TBC1D20: variants seen among roughly 807,000 people sequenced by gnomAD.
TBC1D20 encodes the protein chromosome 20 open reading frame 140.
A neutral mutation model predicts 41.6 loss-of-function variants in TBC1D20; 12 were observed. That is an observed-to-expected ratio of 0.29 (90% CI 0.18 to 0.47). TBC1D20 has a LOEUF of 0.47. Ranked by LOEUF, TBC1D20 falls within the 20% of genes least tolerant of loss-of-function variation. TBC1D20 has a pLI of 1.00. For missense variants in TBC1D20, 421 were observed against 517.4 expected, an observed-to-expected ratio of 0.81 and a Z score of 1.81; for synonymous variants, 205 against 204.8, an observed-to-expected ratio of 1.00 and a Z score of -0.01.
intron 1 of TBC1D20, 31 bp downstream of exon 1, chr20:462,305 C>A (rs2017647511): frequency 2.4e-6 from 3 of 1,269,304 alleles, no homozygotes; most frequent in African/African-American, 1.6e-5. Flanking sequence ...CCCTCGCAGG[C>A]CGCTCCCGGC....
Position 445,170 on chromosome 20 carries a change from G to A in TBC1D20, c.257-40C>T, listed in dbSNP as rs773438519. ...GGCACGTTATTGCAGGAATGCCTGA[G>A]AAGCCAGACCAGAAGCAAAACATTC... On this transcript the variant is annotated intron_variant, in intron 2 of 7. Coordinates refer to ENST00000354200, the MANE Select transcript of TBC1D20 (RefSeq NM_144628.4). 399 of 1,510,630 alleles carry A rather than the reference G, an allele frequency of 2.6e-4. 2 individuals are homozygous for A. Among genetic ancestry groups the A allele is most frequent in the Non-Finnish European group, 2.0e-4 (219 of 1,104,508 alleles). 93.6% of individuals were successfully genotyped at this position (1,510,630 alleles called of 1,614,324 possible).
intron 1 of TBC1D20, among the ~76,000 whole-genome samples, chr20:451,665 C>T (rs896864901): frequency 6.6e-6 from 1 of 152,146 alleles, no homozygotes; most frequent in African/African-American, 2.4e-5. Context: ...CTTTTGTCTC[C>T]TATTGCTTCC....
intron 2 of TBC1D20, among the ~76,000 whole-genome samples, chr20:446,467 A>G (rs1252165640): frequency 1.3e-5 from 2 of 151,826 alleles, no homozygotes; most frequent in Non-Finnish European, 2.9e-5. Flanking sequence ...CAGCTTCCCT[A>G]GTAGCTGGAA....
At chr20:462,235 G>A in intron 1 of TBC1D20, 101 bp downstream of exon 1, 2 of 793,332 alleles carry the variant, frequency 2.5e-6, no homozygotes, top group South Asian at 1.1e-4. Context: ...AGCAGCCCCG[G>A]GTCCCCAGCC....
At chr20:460,340 G>A (rs2017607647) in intron 1 of TBC1D20, among the ~76,000 whole-genome samples, 1 of 151,702 alleles carries the variant, frequency 6.6e-6, no homozygotes, top group Non-Finnish European at 1.5e-5. Flanking sequence ...GCTGAGGTGG[G>A]AGGAGCACTT....
chr20:444,947 T>G, intron 3 of TBC1D20, 103 bp downstream of exon 3: 1 of 996,734 alleles, frequency 1.0e-6, no homozygotes, highest in Non-Finnish European at 1.5e-6. Context: ...AGGAGAGCTC[T>G]GAAGGTCCCT....
chr20:459,027 T>C (rs1258822786), intron 1 of TBC1D20, among the ~76,000 whole-genome samples: 2 of 152,178 alleles, frequency 1.3e-5, no homozygotes, highest in South Asian at 2.1e-4. Context: ...ACTAAATGTA[T>C]AGGCTCTCAC....
intron 1 of TBC1D20, among the ~76,000 whole-genome samples, chr20:449,735 T>C (rs1000637485): frequency 6.6e-6 from 1 of 152,234 alleles, no homozygotes; most frequent in African/African-American, 2.4e-5. Context: ...CACCCTCTTG[T>C]CAGGATAGTT....
chr20:460,749 A>G (rs951424057), intron 1 of TBC1D20, among the ~76,000 whole-genome samples: 1 of 152,228 alleles, frequency 6.6e-6, no homozygotes, highest in Non-Finnish European at 1.5e-5. Flanking sequence ...AACTTTGCCA[A>G]CAATACTCTG....
chr20:443,805 G>A (rs556929773), intron 3 of TBC1D20, among the ~76,000 whole-genome samples: 3 of 152,236 alleles, frequency 2.0e-5, no homozygotes, highest in African/African-American at 7.2e-5. Flanking sequence ...CAATGGAAGA[G>A]GAATAAAGGG....
At chr20:448,689 GAA>G (rs557901716) in intron 1 of TBC1D20, among the ~76,000 whole-genome samples, 14 of 98,368 alleles carry the variant, frequency 1.4e-4, no homozygotes, top group Admixed American at 2.3e-4. Context: ...ACTCCGTCTT[GAA>G]AAAAAAAAAA....
intron 1 of TBC1D20, among the ~76,000 whole-genome samples, chr20:449,278 A>C (rs1600336649): frequency 1.5e-5 from 1 of 67,502 alleles, no homozygotes. Flanking sequence ...TCAGCCTCCC[A>C]ATACATTAAA....
At position 438,775 on chromosome 20, in the gene TBC1D20, C is replaced by T. The variant is rs766480694; in HGVS notation, c.1023G>A (p.Leu341=). Residue 341 remains leucine, a synonymous_variant, in exon 8 of 8, where the codon CTG becomes CTA. Transcript: ENST00000354200. ...ASAQQRPDMV[L]RQRFRGLLRP... is the part of the protein sequence containing the mutation. The stretch of plus-strand genomic sequence containing the variant: ...GCAGAAGTCCCCGAAACCGCTGCCG[C>T]AGCACCATATCAGGCCTCTGCTGGG... 2.5e-6 allele frequency: 4 copies of T among 1,614,250 alleles called. No homozygotes were observed. The South Asian group carries it at 4.4e-5, about 18-fold the overall frequency.
chr20:457,906 G>A (rs915382031), intron 1 of TBC1D20, among the ~76,000 whole-genome samples: 1 of 152,144 alleles, frequency 6.6e-6, no homozygotes, highest in South Asian at 2.1e-4. Context: ...ACCATGAGAA[G>A]AATTTAATTT....
intron 1 of TBC1D20, 82 bp from the exon 2 acceptor site, chr20:448,156 A>G: frequency 1.0e-6 from 1 of 982,424 alleles, no homozygotes; most frequent in African/African-American, 1.6e-5. Flanking sequence ...CCTTTTTGAT[A>G]TGAGGTACAG....
chr20:462,142 C>G (rs958487197), intron 1 of TBC1D20, among the ~76,000 whole-genome samples, 194 bp downstream of exon 1: 45 of 152,160 alleles, frequency 3.0e-4, no homozygotes, highest in South Asian at 1.0e-3. Flanking sequence ...GGCACCCGCC[C>G]GAGCCCCCCC....
In TBC1D20 at chr20:438,847, G is replaced by C; in HGVS notation, c.957-6C>G. ...TGAAAGTAGAGGCTGCCGTCCTGCA[G>C]GGGAAAGAGACGGAAGGAAGGAAGT... On this transcript the variant is annotated splice_polypyrimidine_tract_variant and splice_region_variant and intron_variant, in intron 7 of 7. Transcript: ENST00000354200. 1 of 1,611,478 alleles carries C rather than the reference G, an allele frequency of 6.2e-7. No individual in the cohort carries two copies. Among genetic ancestry groups the C allele is most frequent in the East Asian group, 2.2e-5 (1 of 44,810 alleles).
At chr20:440,716 T>C (rs1184212058) in intron 5 of TBC1D20, 1 of 229,842 alleles carries the variant, frequency 4.4e-6, no homozygotes, top group Admixed American at 5.3e-5. Context: ...CTTACCCTTC[T>C]GGGGGGCACA....
chr20:439,411 A>C lies in TBC1D20; in HGVS notation c.769-116T>G. 1 of 741,254 alleles carries C rather than the reference A, an allele frequency of 1.3e-6. No individual in the cohort carries two copies. 45.9% of individuals were successfully genotyped at this position (741,254 alleles called of 1,614,324 possible). On this transcript the variant is annotated intron_variant, in intron 6 of 7. Coordinates refer to ENST00000354200, the MANE Select transcript of TBC1D20 (RefSeq NM_144628.4). This position sits in a 1 kb window ranked among gnomAD's most constrained non-coding sequence, Gnocchi z 4.6. ...ACTGGTAACAGACAGGACTCAGCCCAAATGTTGAGCAAACTCTTGTATCCA... is the reference window on the plus strand; with the variant it reads ...ACTGGTAACAGACAGGACTCAGCCCCAATGTTGAGCAAACTCTTGTATCCA...
Sources: allele counts gnomAD v4.1 joint callset (sites outside exome capture counted in the v4.1 genomes callset), GRCh38; gene constraint gnomAD v4.1.1; non-coding constraint Gnocchi (gnomAD v3.1); transcripts MANE v1.5; gene names NCBI Gene and HGNC (gene_info 2026-07-23, HGNC 2026-07-21).